Variants in MAP3K3 observed in about 807,000 individuals in gnomAD.
MAP3K3 encodes the protein mitogen-activated protein kinase kinase kinase 3, also known as MAP/ERK kinase kinase 3.
MAP3K3 carries 12 observed loss-of-function variants against 80.9 expected under a neutral mutation model. The observed-to-expected ratio is 0.15, with a 90% CI of 0.10 to 0.24. The LOEUF (loss-of-function observed/expected upper bound fraction) is 0.24. Among genes scored for constraint, MAP3K3 ranks in the 10% least tolerant of loss-of-function variants. MAP3K3 has a pLI of 1.00. For synonymous variants in MAP3K3, 272 were observed against 307.1 expected (o/e 0.89, Z 1.19); for missense variants, 596 against 834.7 (o/e 0.71, Z 3.52).
chr17:63,666,945 T>C lies in MAP3K3; in HGVS notation c.387T>C (p.Ser129=). Reference sequence around the variant, plus strand: ...TTTTTCCTCTTCTTTTACAGAACAGTTCCTCTCCCCACTCTGGGGTGTCCA... The same window carrying C: ...TTTTTCCTCTTCTTTTACAGAACAGCTCCTCTCCCCACTCTGGGGTGTCCA... ...LLLSQDRNHN[S]SSPHSGVSRQ... The change falls in exon 6 of 16, where the codon AGT becomes AGC. Residue 129 remains serine, a synonymous_variant. Transcript: ENST00000361733. The C allele has an allele frequency of 1.2e-6, 2 of 1,613,264 alleles. No homozygotes were observed. Among genetic ancestry groups the C allele is most frequent in the Non-Finnish European group, 1.7e-6 (2 of 1,179,790 alleles).
At chr17:63,666,315 A>T (rs2034999178) in intron 5 of MAP3K3, among the ~76,000 whole-genome samples, 1 of 152,162 alleles carries the variant, frequency 6.6e-6, no homozygotes, top group Non-Finnish European at 1.5e-5. Flanking sequence ...GTTGGGAAAA[A>T]GAAGCAAATT....
chr17:63,641,527 C>A (rs146544070), intron 2 of MAP3K3, among the ~76,000 whole-genome samples: 1 of 152,128 alleles, frequency 6.6e-6, no homozygotes, highest in Non-Finnish European at 1.5e-5. Context: ...AAGGCCACCA[C>A]GCCCAGCCTA....
At chr17:63,623,218 C>G (rs942237398) in intron 1 of MAP3K3, among the ~76,000 whole-genome samples, 18 of 152,156 alleles carry the variant, frequency 1.2e-4, no homozygotes, top group African/African-American at 4.3e-4. Flanking sequence ...CTTCCCTTTG[C>G]TCACACAGGC....
intron 6 of MAP3K3, among the ~76,000 whole-genome samples, chr17:63,679,249 A>G (rs951803364): frequency 9.9e-5 from 15 of 152,044 alleles, no homozygotes; most frequent in Non-Finnish European, 2.2e-4. Flanking sequence ...CCTCCCCGCC[A>G]TTCTTTTTTT....
chr17:63,635,186 C>T (rs1304922814), intron 2 of MAP3K3, among the ~76,000 whole-genome samples: 2 of 152,166 alleles, frequency 1.3e-5, no homozygotes, highest in African/African-American at 4.8e-5. Context: ...TGACTTTATG[C>T]ACTATGTAAG....
chr17:63,693,931 C>A lies in MAP3K3; in HGVS notation c.*154C>A. On this transcript the variant is annotated 3_prime_UTR_variant, in exon 16 of 16. Transcript: ENST00000361733. This position sits in a 1 kb window ranked among gnomAD's most constrained non-coding sequence, Gnocchi z 4.2. ...GTCTGTGCCCCTTCCGCCACTGGGG[C>A]TCAGAGCCGGGGTGGGGTGGCTGCA... 1.6e-6 allele frequency: 1 copy of A among 617,194 alleles called. No homozygotes were observed. The highest frequency in any genetic ancestry group is 2.7e-6 in the Non-Finnish European group (1 of 373,412). 38.2% of individuals were successfully genotyped at this position (617,194 alleles called of 1,614,324 possible).
At chr17:63,640,425 G>A (rs557398535) in intron 2 of MAP3K3, among the ~76,000 whole-genome samples, 14 of 152,250 alleles carry the variant, frequency 9.2e-5, no homozygotes, top group East Asian at 1.9e-4. Flanking sequence ...ATGTGTGTAC[G>A]TTGATTTTTG....
chr17:63,663,362 C>T (rs1314199081), intron 5 of MAP3K3, among the ~76,000 whole-genome samples: 3 of 152,074 alleles, frequency 2.0e-5, no homozygotes, highest in Non-Finnish European at 2.9e-5. Context: ...ATTAGCTGAG[C>T]GTGGTGGCGC....
chr17:63,622,905 G>GCCGC (rs914272196), intron 1 of MAP3K3, 142 bp downstream of exon 1: 2 of 147,606 alleles, frequency 1.4e-5, no homozygotes, highest in East Asian at 2.0e-4. Flanking sequence ...CGGCCGGCCG[G>GCCGC]CCGCCCGCCC....
At chr17:63,667,457 C>T (rs2035023804) in intron 6 of MAP3K3, among the ~76,000 whole-genome samples, 1 of 152,122 alleles carries the variant, frequency 6.6e-6, no homozygotes, top group South Asian at 2.1e-4. Context: ...CTTATGATTC[C>T]TGAGAAGTCT....
intron 5 of MAP3K3, among the ~76,000 whole-genome samples, chr17:63,658,987 C>T (rs766216811): frequency 4.1e-4 from 62 of 152,138 alleles, no homozygotes; most frequent in Non-Finnish European, 7.8e-4. Context: ...CCACCCGCCT[C>T]GGACTCCCAA....
chr17:63,689,397 C>A lies in MAP3K3; in HGVS notation c.872-147C>A. 1.5e-6 allele frequency: 1 copy of A among 649,772 alleles called. No homozygotes were observed. The highest frequency in any genetic ancestry group is 2.6e-6 in the Non-Finnish European group (1 of 380,336). 40.3% of individuals were successfully genotyped at this position (649,772 alleles called of 1,614,324 possible). ...CAGGTGGGAGTGCGGACGGGATGGG[C>A]TGGAGCTGGTATTATCTATCACTTC... On this transcript the variant is annotated intron_variant, in intron 10 of 15. Transcript: ENST00000361733. This position sits in a 1 kb window ranked among gnomAD's most constrained non-coding sequence, Gnocchi z 4.3.
chr17:63,651,767 T>C (rs1371255561), intron 3 of MAP3K3, among the ~76,000 whole-genome samples: 7 of 152,246 alleles, frequency 4.6e-5, no homozygotes, highest in African/African-American at 1.7e-4. Context: ...ATGTCAATAC[T>C]AGTTACATGC....
intron 6 of MAP3K3, among the ~76,000 whole-genome samples, chr17:63,673,506 T>C (rs1369743672): frequency 6.6e-6 from 1 of 152,220 alleles, no homozygotes; most frequent in Admixed American, 6.5e-5. Context: ...CCTGAAGACA[T>C]CCTCTCTCAT....
At chr17:63,682,194 C>T in intron 7 of MAP3K3, 1 of 245,352 alleles carries the variant, frequency 4.1e-6, no homozygotes, top group Non-Finnish European at 7.7e-6. Context: ...GCAGGCACCA[C>T]CACGCCCAGC....
intron 5 of MAP3K3, among the ~76,000 whole-genome samples, chr17:63,659,444 C>T (rs2034838745): frequency 6.6e-6 from 1 of 151,908 alleles, no homozygotes; most frequent in South Asian, 2.1e-4. Context: ...GCTCAGGAAT[C>T]CTCACCTCTA....
intron 12 of MAP3K3, 161 bp from the exon 13 acceptor site, chr17:63,690,941 T>C (rs1414495562): frequency 7.3e-6 from 6 of 817,214 alleles, no homozygotes; most frequent in Non-Finnish European, 1.1e-5. Context: ...CTGCCCAGCA[T>C]TGTGGCCAAG....
At chr17:63,669,310 C>G (rs2035057656) in intron 6 of MAP3K3, among the ~76,000 whole-genome samples, 1 of 151,864 alleles carries the variant, frequency 6.6e-6, no homozygotes, top group Non-Finnish European at 1.5e-5. Context: ...CAGGTCCAGG[C>G]TGGCTGATAC....
intron 4 of MAP3K3, among the ~76,000 whole-genome samples, chr17:63,655,248 A>G (rs2034743230): frequency 6.6e-6 from 1 of 151,908 alleles, no homozygotes; most frequent in African/African-American, 2.4e-5. Flanking sequence ...GTGAGAACTC[A>G]CTCACTATCA....
Sources: gnomAD v4.1 joint callset for allele counts (sites outside exome capture counted in the v4.1 genomes callset) on GRCh38, gnomAD v4.1.1 for gene constraint, Gnocchi (gnomAD v3.1) non-coding constraint, MANE v1.5 for transcripts, NCBI Gene and HGNC (gene_info 2026-07-23, HGNC 2026-07-21) for gene names.